Variants in ZNF426 observed in about 807,000 individuals in gnomAD.
The protein encoded by ZNF426 is zinc finger protein 426.
A neutral mutation model predicts 24.0 loss-of-function variants in ZNF426; 23 were observed. The observed-to-expected ratio is 0.96, with a 90% CI of 0.69 to 1.36. The LOEUF (loss-of-function observed/expected upper bound fraction) is 1.36, where lower values mean the gene tolerates loss of function less well. Ranked by LOEUF, ZNF426 falls within the 40% of genes most tolerant of loss-of-function variation. The pLI is 0.00. For synonymous variants in ZNF426, 272 were observed against 224.6 expected, an observed-to-expected ratio of 1.21 and a Z score of -1.89; for missense variants, 646 against 658.4, an observed-to-expected ratio of 0.98 and a Z score of 0.21.
rs1209854526 is a variant in ZNF426, at chr19:9,527,261, T to C, written c.*1119A>G. ...TTAATGTAAGGCTTCCTACATGCAT[T>C]ACAGGTAAAAGGCTTCTCTCCAGTT... On this transcript the variant is annotated 3_prime_UTR_variant, in exon 8 of 8. Transcript: ENST00000253115. 6.6e-6 allele frequency: 1 copy of C among 152,188 alleles called. No homozygotes were observed. Among genetic ancestry groups the C allele is most frequent in the Non-Finnish European group, 1.5e-5 (1 of 68,018 alleles). 9.4% of individuals were successfully genotyped at this position (152,188 alleles called of 1,614,324 possible). A position where few individuals can be genotyped will look rare whatever the true frequency, so the allele number is the denominator to read the frequency against.
chr19:9,528,943 C>T lies in ZNF426; in HGVS notation c.1102G>A (p.Glu368Lys), dbSNP rs1363287694. 1 of 1,613,822 alleles carries T rather than the reference C, an allele frequency of 6.2e-7. No individual in the cohort carries two copies. The change falls in exon 8 of 8, where the codon GAA becomes AAA. Residue 368 changes from glutamate (E) to lysine (K), a missense_variant. By Grantham distance (56) the Glu-to-Lys change is moderately conservative. Coordinates refer to ENST00000253115, the MANE Select transcript of ZNF426 (RefSeq NM_024106.3). The stretch of plus-strand genomic sequence containing the variant: ...GATGTAAGGAAGGATTTCCCACATT[C>T]CTTACATTCATAGGGCTTGTCTCCA... ...HSGDKPYECKECGKSFLTSSR... is the reference protein window; with the variant it reads ...HSGDKPYECKKCGKSFLTSSR...
chr19:9,532,085 T>C (rs1266904769), intron 6 of ZNF426, among the ~76,000 whole-genome samples: 1 of 152,056 alleles, frequency 6.6e-6, no homozygotes, highest in African/African-American at 2.4e-5. Context: ...ACCCTGTACA[T>C]ACTATGATTC....
In ZNF426 at chr19:9,538,250, A is replaced by C. The variant is rs2073998106; in HGVS notation, c.-125+9T>G. 6.6e-6 allele frequency: 1 copy of C among 152,212 alleles called. No individual in the cohort carries two copies. Among genetic ancestry groups the C allele is most frequent in the Non-Finnish European group, 1.5e-5 (1 of 68,038 alleles). 9.4% of individuals were successfully genotyped at this position (152,212 alleles called of 1,614,324 possible). ...GGCCCCCTAGAACCAACTTTCACCC[A>C]GTGCTCACCGGAACACTCAGAAATC... is the stretch of plus-strand genomic sequence containing the variant. On this transcript the variant is annotated intron_variant, in intron 2 of 7. Transcript: ENST00000253115.
Position 9,535,247 on chromosome 19 carries a change from G to T in ZNF426, c.58C>A (p.His20Asn). 1 of 1,613,516 alleles carries T rather than the reference G, an allele frequency of 6.2e-7. No homozygotes were observed. The highest frequency in any genetic ancestry group is 8.5e-7 in the Non-Finnish European group (1 of 1,179,636). The change falls in exon 4 of 8, where the codon CAT (histidine) becomes AAT (asparagine). Residue 20 changes from histidine to asparagine, a missense_variant. Physicochemically the swap from His to Asn is moderately conservative, Grantham distance 68 (BLOSUM62 1). Transcript: ENST00000253115. ...CTTCCTGCTGGTGTCTTTTCTTCAT[G>T]AAGGCAAACTGGGTCCCCAGAAAGA... ...HYLSGDPVCLHEEKTPAGRIV... is the reference protein window; with the variant it reads ...HYLSGDPVCLNEEKTPAGRIV...
In ZNF426 at chr19:9,536,215, C is replaced by T. The variant is rs1426317224; in HGVS notation, c.18G>A (p.Leu6=). The part of the protein sequence containing the change: MAAAD[L]SHGHYLSGDP... ...AAGAGCAACAGAGCTTACCATGGGA[C>T]AAATCAGCAGCTGCCATCCCGCGAG... The change falls in exon 3 of 8, where the codon TTG becomes TTA. Residue 6 remains leucine (L), a synonymous_variant. Coordinates refer to ENST00000253115, the MANE Select transcript of ZNF426 (RefSeq NM_024106.3). 6.2e-7 allele frequency: 1 copy of T among 1,614,166 alleles called. No individual in the cohort carries two copies. Among genetic ancestry groups the T allele is most frequent in the Admixed American group, 1.7e-5 (1 of 60,002 alleles).
chr19:9,529,302 C>G lies in ZNF426; in HGVS notation c.743G>C (p.Gly248Ala), dbSNP rs772318694. 1 of 1,613,980 alleles carries G rather than the reference C, an allele frequency of 6.2e-7. No homozygotes were observed. Among genetic ancestry groups the G allele is most frequent in the East Asian group, 2.2e-5 (1 of 44,880 alleles). The change falls in exon 8 of 8, where the codon GGA becomes GCA. Residue 248 changes from glycine to alanine, a missense_variant. Coordinates refer to ENST00000253115, the MANE Select transcript of ZNF426 (RefSeq NM_024106.3). ...ATTCCTCCATTCGTAGAGTTTTTCT[C>G]CATTGTGAGTTCTCATATGTGCCTG... ...YLQAHMRTHN[G>A]EKLYEWRNYG...
chr19:9,537,902 T>C (rs568107982), intron 2 of ZNF426, among the ~76,000 whole-genome samples: 5 of 152,254 alleles, frequency 3.3e-5, no homozygotes, highest in African/African-American at 4.8e-5. Flanking sequence ...ATCCTGTTCA[T>C]TGTAAATTTG....
rs2073965480 is a variant in ZNF426 at position 9,536,341 on chromosome 19, AGGGTTATT to A, written c.-117_-110del. ...TGGCAATCTCCATTCCTCTTTAAAC[AGGGTTATT>A]GGGATTCCTGTTGGTATTAATCAAT... is the stretch of plus-strand genomic sequence containing the variant. On this transcript the variant is annotated 5_prime_UTR_variant, in exon 3 of 8. Coordinates refer to ENST00000253115, the MANE Select transcript of ZNF426 (RefSeq NM_024106.3). The A allele has an allele frequency of 1.2e-6, 2 of 1,605,140 alleles. No homozygotes were observed. The highest frequency in any genetic ancestry group is 1.7e-6 in the Non-Finnish European group (2 of 1,175,652).
chr19:9,526,421 G>A lies in ZNF426; in HGVS notation c.*1959C>T, dbSNP rs2073792420. ...AACAGACAGGCAGTGTAAACACAGA[G>A]ATGGAAATTCTAAGAACCACAAAGA... On this transcript the variant is annotated 3_prime_UTR_variant, in exon 8 of 8. Coordinates refer to ENST00000253115, the MANE Select transcript of ZNF426 (RefSeq NM_024106.3). The A allele has an allele frequency of 6.6e-6, 1 of 152,034 alleles. No individual in the cohort carries two copies. Among genetic ancestry groups the A allele is most frequent in the Admixed American group, 6.6e-5 (1 of 15,242 alleles). The allele number at this position is 152,034 out of a possible 1,614,324, so 9.4% of individuals were successfully genotyped here. A position where few individuals can be genotyped will look rare whatever the true frequency, so the allele number is the denominator to read the frequency against.
At position 9,528,311 on chromosome 19, in the gene ZNF426, A is replaced by T. The variant is rs977934632; in HGVS notation, c.*69T>A. ...AGCTTCTTCTCTCCAGAGTGAGTTC[A>T]TTCATGTCTTTAAAGTGAACTGGAA... is the stretch of plus-strand genomic sequence containing the variant. On this transcript the variant is annotated 3_prime_UTR_variant, in exon 8 of 8. Coordinates refer to ENST00000253115, the MANE Select transcript of ZNF426 (RefSeq NM_024106.3). 35 of 1,442,752 alleles carry T rather than the reference A, an allele frequency of 2.4e-5. No homozygotes were observed. Among genetic ancestry groups the T allele is most frequent in the Non-Finnish European group, 3.1e-5 (33 of 1,068,518 alleles). The allele number at this position is 1,442,752 out of a possible 1,614,324, so 89.4% of individuals were successfully genotyped here.
rs188940039 is a variant in ZNF426, at chr19:9,526,361, A to T, written c.*2019T>A. The T allele has an allele frequency of 2.0e-5, 3 of 152,144 alleles. No homozygotes were observed. Among genetic ancestry groups the T allele is most frequent in the Non-Finnish European group, 4.4e-5 (3 of 68,034 alleles). 9.4% of individuals were successfully genotyped at this position (152,144 alleles called of 1,614,324 possible). On this transcript the variant is annotated 3_prime_UTR_variant, in exon 8 of 8. Coordinates refer to ENST00000253115, the MANE Select transcript of ZNF426 (RefSeq NM_024106.3). ...TTAAAACAATTATGATTGATATGCC[A>T]TGGGTTCTACTGGATAAAGCAGACA... is the stretch of plus-strand genomic sequence containing the variant.
chr19:9,535,141 G>T, intron 4 of ZNF426, 47 bp downstream of exon 4: 1 of 1,442,688 alleles, frequency 6.9e-7, no homozygotes, highest in Non-Finnish European at 9.6e-7. Flanking sequence ...TGTCTACCTG[G>T]TGGATGCAAG....
Position 9,536,255 on chromosome 19 carries a change from G to A in ZNF426, c.-23C>T. 1.2e-6 allele frequency: 2 copies of A among 1,614,226 alleles called. No homozygotes were observed. Among genetic ancestry groups the A allele is most frequent in the Non-Finnish European group, 1.7e-6 (2 of 1,180,048 alleles). On this transcript the variant is annotated 5_prime_UTR_variant, in exon 3 of 8. Transcript: ENST00000253115. ...CATCCCGCGAGGTGAGAACGTGTCA[G>A]AACCCTCCTTTCATTGATGTCACCA...
intron 2 of ZNF426, among the ~76,000 whole-genome samples, chr19:9,537,385 G>A (rs1358209793): frequency 6.6e-6 from 1 of 151,904 alleles, no homozygotes; most frequent in Admixed American, 6.6e-5. Flanking sequence ...TCTCAAACTA[G>A]GGGTCCTAGG....
intron 5 of ZNF426, among the ~76,000 whole-genome samples, chr19:9,533,527 C>G (rs2144774673): frequency 6.6e-6 from 1 of 152,214 alleles, no homozygotes; most frequent in African/African-American, 2.4e-5. Context: ...AAACAACTAC[C>G]CCAGTGTTTT....
intron 3 of ZNF426, 120 bp from the exon 4 acceptor site, chr19:9,535,399 C>T (rs1162682485): frequency 3.1e-6 from 2 of 654,584 alleles, no homozygotes; most frequent in East Asian, 5.9e-5. Context: ...CAGGAAAACA[C>T]ACATAAGGCC....
intron 3 of ZNF426, among the ~76,000 whole-genome samples, chr19:9,535,700 G>T: frequency 6.6e-6 from 1 of 151,972 alleles, no homozygotes; most frequent in African/African-American, 2.4e-5. Context: ...CAGGCATGGT[G>T]GCATGTGCCT....
chr19:9,531,401 G>A (rs571151162), intron 6 of ZNF426, among the ~76,000 whole-genome samples: 8 of 152,200 alleles, frequency 5.3e-5, no homozygotes, highest in African/African-American at 1.9e-4. Context: ...CAAATGAAAG[G>A]ATTTGGAGAA....
chr19:9,538,080 C>T (rs537138147), intron 2 of ZNF426, among the ~76,000 whole-genome samples, 179 bp downstream of exon 2: 17 of 152,184 alleles, frequency 1.1e-4, no homozygotes, highest in Admixed American at 1.3e-4. Flanking sequence ...TTTATATTCA[C>T]ATACACAAAT....
Sources: gnomAD v4.1 joint callset for allele counts (sites outside exome capture counted in the v4.1 genomes callset) on GRCh38, gnomAD v4.1.1 for gene constraint, MANE v1.5 for transcripts, NCBI Gene and HGNC (gene_info 2026-07-23, HGNC 2026-07-21) for gene names.